STK39: variants seen among roughly 807,000 people sequenced by gnomAD.
The protein encoded by STK39 is serine/threonine kinase 39, also known as STE20/SPS1-related proline-alanine-rich protein kinase.
Under a neutral mutation model 77.8 loss-of-function variants are expected in STK39, and 20 were observed. The ratio of observed to expected loss-of-function variants is 0.26; its 90% CI spans 0.18 to 0.37. STK39 has a LOEUF of 0.37. Among genes scored for constraint, STK39 ranks in the 10% least tolerant of loss-of-function variants. The pLI is 1.00. For synonymous variants in STK39, 246 were observed against 234.1 expected (o/e 1.05, Z -0.47); for missense variants, 479 against 656.5 (o/e 0.73, Z 2.95).
intron 2 of STK39, among the ~76,000 whole-genome samples, chr2:168,180,412 T>C (rs1689056343): frequency 6.6e-6 from 1 of 151,510 alleles, no homozygotes; most frequent in South Asian, 2.1e-4. Flanking sequence ...ATCCAAACAG[T>C]ACATATATTT....
At chr2:167,991,039 TC>T (rs1002916970) in intron 16 of STK39, among the ~76,000 whole-genome samples, 1 of 152,138 alleles carries the variant, frequency 6.6e-6, no homozygotes, top group African/African-American at 2.4e-5. Flanking sequence ...TTAGGGACAA[TC>T]CAGATTACCC....
At chr2:168,194,382 T>C (rs1347770803) in intron 1 of STK39, among the ~76,000 whole-genome samples, 1 of 152,192 alleles carries the variant, frequency 6.6e-6, no homozygotes, top group Non-Finnish European at 1.5e-5. Context: ...ATCACGCCAC[T>C]GCACTCCAGC....
intron 14 of STK39, among the ~76,000 whole-genome samples, chr2:168,050,540 G>A (rs1449854062): frequency 6.6e-6 from 1 of 152,218 alleles, no homozygotes; most frequent in African/African-American, 2.4e-5. Context: ...CTGGTGGTCA[G>A]AGAAAGAGAT....
In STK39 at chr2:168,170,705, C is replaced by T. The variant is rs553173324; in HGVS notation, c.322-3298G>A. ...GGGGATGTGAGAGGAGGGACACAGA[C>T]GACTGCAAGGAAGCCGACAGTGTCA... On this transcript the variant is annotated intron_variant, in intron 2 of 17. Coordinates refer to ENST00000355999, the MANE Select transcript of STK39 (RefSeq NM_013233.3). 5.3e-5 allele frequency among the ~76,000 whole-genome samples: 8 copies of T among 152,146 alleles called. No individual in the cohort carries two copies. In the East Asian group the frequency reaches 1.3e-3, roughly 26 times the overall value.
intron 10 of STK39, among the ~76,000 whole-genome samples, chr2:168,127,520 AG>A (rs1245238461): frequency 6.6e-6 from 1 of 152,240 alleles, no homozygotes; most frequent in Non-Finnish European, 1.5e-5. Context: ...AATTTCAAAA[AG>A]CTCCAAAGGA....
chr2:167,997,638 C>T (rs1333528547), intron 16 of STK39, among the ~76,000 whole-genome samples: 3 of 152,194 alleles, frequency 2.0e-5, no homozygotes, highest in Non-Finnish European at 4.4e-5. Context: ...TTCCCTACAT[C>T]ACATAGCTCT....
At chr2:168,187,160 G>A (rs998259337) in intron 1 of STK39, among the ~76,000 whole-genome samples, 5 of 152,154 alleles carry the variant, frequency 3.3e-5, no homozygotes, top group Non-Finnish European at 5.9e-5. Context: ...AGACCAGCCT[G>A]ACCAGCATGG....
chr2:168,209,346 G>GAT (rs1689823054), intron 1 of STK39, among the ~76,000 whole-genome samples: 2 of 152,206 alleles, frequency 1.3e-5, no homozygotes, highest in East Asian at 3.9e-4. Flanking sequence ...TGTATTCTTA[G>GAT]ATATATATAA....
intron 4 of STK39, 77 bp from the exon 5 acceptor site, chr2:168,161,919 A>G: frequency 9.6e-7 from 1 of 1,041,718 alleles, no homozygotes; most frequent in Non-Finnish European, 1.4e-6. Context: ...GAAGATTTTA[A>G]AACATATCAT....
intron 1 of STK39, among the ~76,000 whole-genome samples, chr2:168,233,200 C>A (rs1268032900): frequency 1.3e-5 from 2 of 152,188 alleles, no homozygotes; most frequent in African/African-American, 4.8e-5. Context: ...AGCCACCCGA[C>A]TCCTCAGGAA....
At chr2:168,079,169 C>G (rs1184589011) in intron 10 of STK39, among the ~76,000 whole-genome samples, 1 of 152,124 alleles carries the variant, frequency 6.6e-6, no homozygotes, top group Non-Finnish European at 1.5e-5. Flanking sequence ...TTTACTGTCT[C>G]CATAGTTTAT....
chr2:168,111,580 T>C (rs941246650), intron 10 of STK39, among the ~76,000 whole-genome samples: 10 of 152,216 alleles, frequency 6.6e-5, no homozygotes, highest in Admixed American at 3.3e-4. Flanking sequence ...TTTTAGGATC[T>C]TCTCTTTATT....
intron 10 of STK39, among the ~76,000 whole-genome samples, chr2:168,093,076 A>T (rs1375281907): frequency 6.6e-6 from 1 of 152,172 alleles, no homozygotes; most frequent in African/African-American, 2.4e-5. Flanking sequence ...CGCTCAACAC[A>T]TTCAGAATGT....
At chr2:168,173,537 A>AT (rs998888670) in intron 2 of STK39, among the ~76,000 whole-genome samples, 3 of 142,266 alleles carry the variant, frequency 2.1e-5, no homozygotes, top group African/African-American at 8.4e-5. Context: ...GTCATTGTGA[A>AT]TTTTTTTATT....
At chr2:167,992,192 C>CA (rs1230025527) in intron 16 of STK39, among the ~76,000 whole-genome samples, 1 of 152,034 alleles carries the variant, frequency 6.6e-6, no homozygotes, top group Non-Finnish European at 1.5e-5. Context: ...GATTTTATGC[C>CA]AAAAATTGTT....
At position 168,191,392 on chromosome 2, in the gene STK39, T is replaced by TA. The variant is rs547654272; in HGVS notation, c.209-9303dup. On this transcript the variant is annotated intron_variant, in intron 1 of 17. Coordinates refer to ENST00000355999, the MANE Select transcript of STK39 (RefSeq NM_013233.3). ...AGCATATCCACAGCCCACGCCCTATTAAAAAAAAAATTAAAATTGGTGTCT... is the reference window on the plus strand; with the variant it reads ...AGCATATCCACAGCCCACGCCCTATTAAAAAAAAAAATTAAAATTGGTGTCT... Among the ~76,000 whole-genome samples the TA allele has an allele frequency of 1.9e-3, 291 of 149,998 alleles. 1 individual carries two copies. Among genetic ancestry groups the TA allele is most frequent in the African/African-American group, 6.4e-3 (260 of 40,902 alleles).
At chr2:168,214,494 T>C (rs548054141) in intron 1 of STK39, among the ~76,000 whole-genome samples, 87 of 152,120 alleles carry the variant, frequency 5.7e-4, no homozygotes, top group African/African-American at 2.0e-3. Context: ...GAAGGGAAAA[T>C]GGAAAGTAAC....
At chr2:168,242,556 A>AT (rs1690787297) in intron 1 of STK39, among the ~76,000 whole-genome samples, 1 of 60,000 alleles carries the variant, frequency 1.7e-5, no homozygotes, top group African/African-American at 7.2e-5. Flanking sequence ...CAAAAAAAAA[A>AT]AAAAATATAT....
chr2:168,124,923 T>C (rs370866485), intron 10 of STK39, among the ~76,000 whole-genome samples: 1 of 150,536 alleles, frequency 6.6e-6, no homozygotes, highest in African/African-American at 2.5e-5. Context: ...AGTTGAACAA[T>C]GAGAACACAT....
Sources: gnomAD v4.1 joint callset for allele counts (sites outside exome capture counted in the v4.1 genomes callset) on GRCh38, gnomAD v4.1.1 for gene constraint, MANE v1.5 for transcripts, NCBI Gene and HGNC (gene_info 2026-07-23, HGNC 2026-07-21) for gene names.